JMJD1C: variants seen among roughly 807,000 people sequenced by gnomAD.
JMJD1C encodes the protein jumonji domain-containing protein 1C.
A neutral mutation model predicts 245.3 loss-of-function variants in JMJD1C; 31 were observed. The ratio of observed to expected loss-of-function variants is 0.13; its 90% CI spans 0.09 to 0.17. JMJD1C has a LOEUF of 0.17. JMJD1C is among the 10% of genes least tolerant of loss of function. JMJD1C has a pLI of 1.00. For synonymous variants in JMJD1C, 1,057 were observed against 1,017.4 expected (o/e 1.04, Z -0.74); for missense variants, 2,691 against 3,000.2 (o/e 0.90, Z 2.41).
intron 2 of JMJD1C, among the ~76,000 whole-genome samples, chr10:63,377,342 G>GCTTTTATA: frequency 6.6e-6 from 1 of 152,156 alleles, no homozygotes; most frequent in Admixed American, 6.5e-5. Context: ...CACACAACAC[G>GCTTTTATA]AATGTACTTA....
intron 10 of JMJD1C, chr10:63,202,286 G>A (rs1846107730): frequency 1.0e-6 from 1 of 984,228 alleles, no homozygotes; most frequent in Non-Finnish European, 1.2e-6. Context: ...AGCTATGTTA[G>A]GATCAGCAAT....
chr10:63,211,385 G>A (rs775542152), intron 8 of JMJD1C, among the ~76,000 whole-genome samples: 1 of 150,726 alleles, frequency 6.6e-6, no homozygotes, highest in Non-Finnish European at 1.5e-5. Flanking sequence ...ACAATCACTT[G>A]AACCCGGGAG....
chr10:63,273,507 T>C (rs1856518851), intron 2 of JMJD1C, among the ~76,000 whole-genome samples: 1 of 152,240 alleles, frequency 6.6e-6, no homozygotes, highest in Non-Finnish European at 1.5e-5. Flanking sequence ...GTCTCCTTAA[T>C]GCACTCCTGT....
At chr10:63,304,082 CCTTA>C (rs1589429397) in intron 2 of JMJD1C, among the ~76,000 whole-genome samples, 1 of 58,504 alleles carries the variant, frequency 1.7e-5, no homozygotes, top group East Asian at 4.3e-4. Context: ...AAGGACTTTG[CCTTA>C]CTTATCTTTG....
intron 1 of JMJD1C, among the ~76,000 whole-genome samples, chr10:63,498,094 C>A (rs1221303303): frequency 6.6e-6 from 1 of 152,030 alleles, no homozygotes; most frequent in African/African-American, 2.4e-5. Context: ...GCATATACTA[C>A]AGCAATGAAA....
At chr10:63,289,697 C>T (rs1858412326) in intron 2 of JMJD1C, among the ~76,000 whole-genome samples, 1 of 152,024 alleles carries the variant, frequency 6.6e-6, no homozygotes, top group African/African-American at 2.4e-5. Flanking sequence ...TATTGTAATC[C>T]ATATTACTTA....
chr10:63,224,783 G>T (rs923707254), intron 3 of JMJD1C, among the ~76,000 whole-genome samples: 1 of 152,110 alleles, frequency 6.6e-6, no homozygotes, highest in Non-Finnish European at 1.5e-5. Context: ...CACTTAATGG[G>T]CCGGGTGCGA....
intron 24 of JMJD1C, 126 bp from the exon 25 acceptor site, chr10:63,168,692 A>C (rs934479616): frequency 1.5e-5 from 12 of 815,604 alleles, no homozygotes; most frequent in Non-Finnish European, 2.1e-5. Context: ...CCAAAACATC[A>C]AATGGATTTT....
intron 2 of JMJD1C, among the ~76,000 whole-genome samples, chr10:63,315,617 G>A (rs1013415016): frequency 1.1e-4 from 17 of 151,950 alleles, no homozygotes; most frequent in Admixed American, 4.6e-4. Flanking sequence ...GGCAGCGGGC[G>A]GGTCACAAGG....
intron 2 of JMJD1C, among the ~76,000 whole-genome samples, chr10:63,339,382 T>C (rs1465998961): frequency 1.3e-5 from 2 of 151,918 alleles, no homozygotes; most frequent in Non-Finnish European, 2.9e-5. Flanking sequence ...CTTGAAAAAA[T>C]AACACTTGCA....
chr10:63,307,446 C>T (rs1209416442), intron 2 of JMJD1C, among the ~76,000 whole-genome samples: 1 of 152,136 alleles, frequency 6.6e-6, no homozygotes, highest in Non-Finnish European at 1.5e-5. Context: ...AAACCTACTA[C>T]AAACTACATC....
chr10:63,203,075 A>C (rs942070217), intron 10 of JMJD1C: 2 of 984,970 alleles, frequency 2.0e-6, no homozygotes, highest in African/African-American at 3.5e-5. Flanking sequence ...ATAGGCATTT[A>C]GAGCTTTTTT....
chr10:63,254,667 A>C (rs1160124225), intron 3 of JMJD1C, among the ~76,000 whole-genome samples: 1 of 151,358 alleles, frequency 6.6e-6, no homozygotes, highest in Non-Finnish European at 1.5e-5. Flanking sequence ...CCGCCTCCCA[A>C]GTAGTTGGGA....
rs559924605 is a variant in JMJD1C, at chr10:63,213,526, A to T, written c.2641T>A (p.Ser881Thr). ...GCATTTTCTGGGTGAACCCACTTAG[A>T]AGAAGGCAAACCAAGTCCTGAGTAT... ...HAYSGLGLPS[S>T]KWVHPENAVN... is the part of the protein sequence containing the mutation. The change falls in exon 8 of 26, where the codon TCT becomes ACT. Residue 881 changes from serine (S) to threonine (T), a missense_variant. By Grantham distance (58) the Ser-to-Thr change is moderately conservative. This residue lies in a region of JMJD1C where 1,562 missense variants were observed against 1,490.7 expected (regional missense o/e 1.05). Transcript: ENST00000399262. 1 of 1,609,572 alleles carries T rather than the reference A, an allele frequency of 6.2e-7. No individual in the cohort carries two copies. The highest frequency in any genetic ancestry group is 1.1e-5 in the South Asian group (1 of 91,022).
chr10:63,424,504 T>C (rs1034817878), intron 1 of JMJD1C, among the ~76,000 whole-genome samples: 1 of 144,960 alleles, frequency 6.9e-6, no homozygotes, highest in Non-Finnish European at 1.5e-5. Flanking sequence ...TTTCTTTTTT[T>C]TTTTTTTTTT....
At chr10:63,337,588 G>GA (rs1345743308) in intron 2 of JMJD1C, among the ~76,000 whole-genome samples, 19 of 101,490 alleles carry the variant, frequency 1.9e-4, no homozygotes, top group Middle Eastern at 5.7e-3. Flanking sequence ...GAAAAGAAAA[G>GA]AAAAGAAAAG....
At chr10:63,235,930 T>G (rs1850676219) in intron 3 of JMJD1C, among the ~76,000 whole-genome samples, 1 of 152,222 alleles carries the variant, frequency 6.6e-6, no homozygotes, top group African/African-American at 2.4e-5. Flanking sequence ...TTATTGTTAT[T>G]TTTAAAAACA....
intron 3 of JMJD1C, among the ~76,000 whole-genome samples, 160 bp downstream of exon 3, chr10:63,264,491 T>C (rs1314537460): frequency 6.6e-6 from 1 of 152,176 alleles, no homozygotes; most frequent in Non-Finnish European, 1.5e-5. Flanking sequence ...TAATAAATCG[T>C]TTATCCTATA....
intron 10 of JMJD1C, chr10:63,202,309 C>G (rs1466493432): frequency 2.0e-6 from 2 of 984,892 alleles, no homozygotes; most frequent in Non-Finnish European, 2.4e-6. Flanking sequence ...GTTGTTGGCT[C>G]TAACTTGTAA....
Sources: allele counts gnomAD v4.1 joint callset (sites outside exome capture counted in the v4.1 genomes callset), GRCh38; gene constraint gnomAD v4.1.1; regional missense constraint gnomAD v4.1.1; transcripts MANE v1.5; gene names NCBI Gene and HGNC (gene_info 2026-07-23, HGNC 2026-07-21).